Variants in CNBD1 observed in about 807,000 individuals in gnomAD.
CNBD1 encodes cyclic nucleotide-binding domain-containing protein 1.
In CNBD1, 71 loss-of-function variants were observed where a neutral mutation model predicts 54.4. The observed-to-expected ratio is 1.30, with a 90% CI of 1.08 to 1.59. The LOEUF is 1.59. CNBD1 is among the 40% of genes most tolerant of loss of function. CNBD1 has a pLI of 0.00. For missense variants in CNBD1, 659 were observed against 518.0 expected (o/e 1.27, Z -2.64); for synonymous variants, 182 against 170.7 (o/e 1.07, Z -0.51).
chr8:86,981,953 T>C (rs1162838355), intron 4 of CNBD1, among the ~76,000 whole-genome samples: 1 of 152,218 alleles, frequency 6.6e-6, no homozygotes, highest in Non-Finnish European at 1.5e-5. Context: ...CGGGTCATAC[T>C]ATGTTATGTT....
chr8:87,392,937 C>A (rs1245474018), intron 2 of CNBD1, among the ~76,000 whole-genome samples: 1 of 151,806 alleles, frequency 6.6e-6, no homozygotes, highest in Admixed American at 6.6e-5. Context: ...AATGACATGG[C>A]TAGCATTTAA....
chr8:87,116,731 A>G (rs1811778467), intron 4 of CNBD1, among the ~76,000 whole-genome samples: 2 of 152,138 alleles, frequency 1.3e-5, no homozygotes, highest in Admixed American at 6.5e-5. Flanking sequence ...ACAGAGGATG[A>G]TATTTGAGAT....
At chr8:87,084,395 A>G (rs2130669810) in intron 4 of CNBD1, among the ~76,000 whole-genome samples, 1 of 152,254 alleles carries the variant, frequency 6.6e-6, no homozygotes, top group Non-Finnish European at 1.5e-5. Context: ...CTCAGCCTTT[A>G]TCTGAAATTA....
chr8:86,901,799 C>G (rs1808937613), intron 2 of CNBD1, among the ~76,000 whole-genome samples: 1 of 152,110 alleles, frequency 6.6e-6, no homozygotes. Flanking sequence ...CTTCTGCCTT[C>G]TCTTTCATAT....
chr8:87,233,426 A>T (rs1807504328), intron 5 of CNBD1, among the ~76,000 whole-genome samples: 1 of 152,220 alleles, frequency 6.6e-6, no homozygotes, highest in African/African-American at 2.4e-5. Flanking sequence ...TGTTTGCATT[A>T]TCGTGTAGTC....
chr8:86,878,577 GAAA>G lies in CNBD1; in HGVS notation c.89-8952_89-8950del, dbSNP rs3063708. 2.2e-3 allele frequency among the ~76,000 whole-genome samples: 321 copies of G among 144,088 alleles called. 4 individuals are homozygous for G. The highest frequency in any genetic ancestry group is 7.7e-3 in the Middle Eastern group (2 of 260). The allele number at this position is 144,088 out of a possible 152,430, so 94.5% of individuals were successfully genotyped here. A position where few individuals can be genotyped will look rare whatever the true frequency, so the allele number is the denominator to read the frequency against. On this transcript the variant is annotated intron_variant, in intron 1 of 10. Coordinates refer to ENST00000518476, the MANE Select transcript of CNBD1 (RefSeq NM_173538.3). ...CTCTGTATTATCACAACTTTATTCT[GAAA>G]AAAAAAAAAAAATGAGTGTTATGTG...
intron 4 of CNBD1, among the ~76,000 whole-genome samples, chr8:87,167,620 G>A (rs1370271107): frequency 9.2e-5 from 14 of 151,864 alleles, no homozygotes; most frequent in South Asian, 6.2e-4. Flanking sequence ...TGGTGGTCTG[G>A]TTCTCGCAAG....
intron 5 of CNBD1, among the ~76,000 whole-genome samples, chr8:87,226,757 C>T (rs1389152430): frequency 3.1e-4 from 47 of 151,768 alleles, no homozygotes; most frequent in Non-Finnish European, 4.1e-4. Flanking sequence ...CTATTAGGTC[C>T]GCTTGGTGCA....
chr8:87,265,575 G>C (rs571501172), intron 6 of CNBD1, among the ~76,000 whole-genome samples: 40 of 152,170 alleles, frequency 2.6e-4, no homozygotes, highest in African/African-American at 7.5e-4. Context: ...GTAAATAATA[G>C]GAATTATCTG....
At chr8:87,089,988 C>T (rs902958675) in intron 4 of CNBD1, among the ~76,000 whole-genome samples, 1 of 151,970 alleles carries the variant, frequency 6.6e-6, no homozygotes, top group African/African-American at 2.4e-5. Context: ...TATTGTATTT[C>T]CATGAATACA....
At chr8:87,266,202 A>T (rs1808253820) in intron 6 of CNBD1, among the ~76,000 whole-genome samples, 1 of 151,908 alleles carries the variant, frequency 6.6e-6, no homozygotes, top group Non-Finnish European at 1.5e-5. Flanking sequence ...AAATCCAAAC[A>T]GGTTCCTTGT....
chr8:86,871,462 A>C (rs1586101258), intron 1 of CNBD1, among the ~76,000 whole-genome samples: 1 of 152,156 alleles, frequency 6.6e-6, no homozygotes, highest in Non-Finnish European at 1.5e-5. Context: ...TTAACTCTAC[A>C]CTCAAAAGCT....
At chr8:87,171,795 G>A (rs542185884) in intron 4 of CNBD1, among the ~76,000 whole-genome samples, 9 of 146,400 alleles carry the variant, frequency 6.1e-5, no homozygotes, top group Admixed American at 4.0e-4. Context: ...CCACCACCAC[G>A]CCTGGCTAAT....
At chr8:87,069,155 T>C (rs1810712335) in intron 4 of CNBD1, among the ~76,000 whole-genome samples, 1 of 152,084 alleles carries the variant, frequency 6.6e-6, no homozygotes, top group African/African-American at 2.4e-5. Flanking sequence ...TTATACATTT[T>C]TTTGTATTAC....
intron 8 of CNBD1, among the ~76,000 whole-genome samples, chr8:87,325,888 C>G (rs1401244543): frequency 5.1e-5 from 7 of 137,148 alleles, no homozygotes; most frequent in African/African-American, 1.9e-4. Context: ...GATGCAGTTT[C>G]TTCCTAGTCT....
chr8:86,874,986 T>TTTTATATATA (rs1304865331), intron 1 of CNBD1, among the ~76,000 whole-genome samples: 93 of 120,098 alleles, frequency 7.7e-4, no homozygotes, highest in African/African-American at 3.0e-3. Flanking sequence ...GTAAATCAAT[T>TTTTATATATA]TATATATATA....
intron 6 of CNBD1, among the ~76,000 whole-genome samples, chr8:87,260,043 A>T (rs771086991): frequency 6.6e-6 from 1 of 152,164 alleles, no homozygotes; most frequent in African/African-American, 2.4e-5. Context: ...CTCATTTTTT[A>T]AGCTGAGAAT....
intron 4 of CNBD1, among the ~76,000 whole-genome samples, chr8:87,047,138 A>G (rs1810212386): frequency 6.6e-6 from 1 of 152,150 alleles, no homozygotes; most frequent in Non-Finnish European, 1.5e-5. Flanking sequence ...ATGTTGCAGT[A>G]TTTGAGATTT....
chr8:87,089,009 G>T (rs1181016013), intron 4 of CNBD1, among the ~76,000 whole-genome samples: 1 of 152,108 alleles, frequency 6.6e-6, no homozygotes, highest in African/African-American at 2.4e-5. Flanking sequence ...TGACTAAGAA[G>T]ATTTACGGGA....
Sources: gnomAD v4.1 joint callset for allele counts (sites outside exome capture counted in the v4.1 genomes callset) on GRCh38, gnomAD v4.1.1 for gene constraint, MANE v1.5 for transcripts, NCBI Gene and HGNC (gene_info 2026-07-23, HGNC 2026-07-21) for gene names.